The following ACTN4 variants were observed in gnomAD, a reference collection of about 807,000 sequenced individuals.
The protein encoded by ACTN4 is actinin alpha 4.
In ACTN4, 18 loss-of-function variants were observed where a neutral mutation model predicts 114.2. The ratio of observed to expected loss-of-function variants is 0.16; its 90% CI spans 0.11 to 0.23. ACTN4 has a LOEUF of 0.23. Among genes scored for constraint, ACTN4 ranks in the 10% least tolerant of loss-of-function variants. The pLI is 1.00. For missense variants in ACTN4, 722 were observed against 1,262.9 expected (o/e 0.57, Z 6.49); for synonymous variants, 515 against 506.3 (o/e 1.02, Z -0.23).
intron 1 of ACTN4, among the ~76,000 whole-genome samples, chr19:38,663,630 G>C (rs1976959086): frequency 6.6e-6 from 1 of 152,210 alleles, no homozygotes; most frequent in African/African-American, 2.4e-5. Context: ...AGTATTAGGG[G>C]GTCCGGCGTG....
intron 1 of ACTN4, among the ~76,000 whole-genome samples, chr19:38,656,620 A>G (rs372775542): frequency 2.0e-5 from 3 of 152,196 alleles, no homozygotes; most frequent in East Asian, 3.8e-4. Context: ...GGCAGTTACT[A>G]CCCTGCAGAA....
intron 3 of ACTN4, 113 bp from the exon 4 acceptor site, chr19:38,704,821 G>T (rs977984321): frequency 6.8e-5 from 59 of 871,020 alleles, no homozygotes; most frequent in Admixed American, 3.2e-4. Flanking sequence ...CAACCAGGGG[G>T]TGGTTTGGAG....
At position 38,729,655 on chromosome 19, in the gene ACTN4, T is replaced by G. The variant is rs1478817246; in HGVS notation, c.*223T>G. On this transcript the variant is annotated 3_prime_UTR_variant, in exon 21 of 21. Transcript: ENST00000252699. ...GTTGGGGAGACTTGGGGCCAGCGCT[T>G]CTGGTCTGGTAAATATGTATGATGT... 5.6e-6 allele frequency: 4 copies of G among 720,094 alleles called. No homozygotes were observed. Among genetic ancestry groups the G allele is most frequent in the Non-Finnish European group, 9.9e-6 (4 of 404,250 alleles). The allele number at this position is 720,094 out of a possible 1,614,324, so 44.6% of individuals were successfully genotyped here. A position where few individuals can be genotyped will look rare whatever the true frequency, so the allele number is the denominator to read the frequency against.
At chr19:38,679,569 G>A (rs1456807353) in intron 1 of ACTN4, among the ~76,000 whole-genome samples, 2 of 15,610 alleles carry the variant, frequency 1.3e-4, no homozygotes, top group Admixed American at 1.4e-3. Context: ...TTGGGTGTGC[G>A]TGTGTGTGTG....
rs1314453778 is a variant in ACTN4, at chr19:38,673,662, TA to T, written c.162+25756del. On this transcript the variant is annotated intron_variant, in intron 1 of 20. Transcript: ENST00000252699. ...TTATATATATTTATATATTTATATA[TA>T]TTATATATATTTATATATTTATATA... Among the ~76,000 whole-genome samples, 10 of 15,520 alleles carry T rather than the reference TA, an allele frequency of 6.4e-4. 2 individuals carry two copies. The highest frequency in any genetic ancestry group is 4.3e-4 in the African/African-American group (3 of 7,028). The allele number at this position is 15,520 out of a possible 152,430, so 10.2% of individuals were successfully genotyped here. A position where few individuals can be genotyped will look rare whatever the true frequency, so the allele number is the denominator to read the frequency against.
intron 1 of ACTN4, among the ~76,000 whole-genome samples, chr19:38,657,250 C>A (rs931003195): frequency 6.6e-6 from 1 of 152,080 alleles, no homozygotes; most frequent in Non-Finnish European, 1.5e-5. Flanking sequence ...TCAAGTGATT[C>A]TCCTGCCTCA....
At chr19:38,718,753 G>C (rs975923516) in intron 11 of ACTN4, among the ~76,000 whole-genome samples, 2 of 152,154 alleles carry the variant, frequency 1.3e-5, no homozygotes, top group Non-Finnish European at 2.9e-5. Flanking sequence ...CATCCAGGGC[G>C]AGTGTGTGGG....
chr19:38,679,511 C>CT (rs1308605391), intron 1 of ACTN4, among the ~76,000 whole-genome samples: 2 of 152,042 alleles, frequency 1.3e-5, no homozygotes, highest in African/African-American at 4.8e-5. Flanking sequence ...TCATCAGTGT[C>CT]TCCCAACACA....
At position 38,729,463 on chromosome 19, in the gene ACTN4, C is replaced by T. The variant is rs202116126; in HGVS notation, c.*31C>T. On this transcript the variant is annotated 3_prime_UTR_variant, in exon 21 of 21. Coordinates refer to ENST00000252699, the MANE Select transcript of ACTN4 (RefSeq NM_004924.6). ...CAGAGACCTGACCCAACACCCCCGA[C>T]GGCCTCCAGGAGGGGCCTGGGCAGC... 3.6e-3 allele frequency: 5,791 copies of T among 1,607,218 alleles called. 13 individuals are homozygous for T. Among genetic ancestry groups the T allele is most frequent in the Middle Eastern group, 8.6e-3 (52 of 6,040 alleles).
chr19:38,730,877 C>CA lies in ACTN4; in HGVS notation c.*1446dup. 3 of 1,551,746 alleles carry CA rather than the reference C, an allele frequency of 1.9e-6. No individual in the cohort carries two copies. Among genetic ancestry groups the CA allele is most frequent in the African/African-American group, 2.7e-5 (2 of 73,258 alleles). On this transcript the variant is annotated 3_prime_UTR_variant, in exon 21 of 21. Coordinates refer to ENST00000252699, the MANE Select transcript of ACTN4 (RefSeq NM_004924.6). ...CTAGGAGAAGGTGGCCACCTCCATC[C>CA]ACTAAGGAAGAGAAGGAAGACAGTG...
At chr19:38,654,503 A>T (rs1044601237) in intron 1 of ACTN4, among the ~76,000 whole-genome samples, 1 of 151,268 alleles carries the variant, frequency 6.6e-6, no homozygotes, top group South Asian at 2.1e-4. Flanking sequence ...TGGAGGTTGC[A>T]GTCAGCTGAG....
chr19:38,680,684 A>T (rs185492233), intron 1 of ACTN4, among the ~76,000 whole-genome samples: 1 of 152,212 alleles, frequency 6.6e-6, no homozygotes, highest in Non-Finnish European at 1.5e-5. Context: ...CGAGTCAGAA[A>T]CCTTGGAGTC....
intron 1 of ACTN4, among the ~76,000 whole-genome samples, chr19:38,692,409 C>G (rs1475206539): frequency 6.6e-6 from 1 of 152,242 alleles, no homozygotes; most frequent in Non-Finnish European, 1.5e-5. Context: ...GTTTTCTGTT[C>G]TTTCAACCTG....
intron 1 of ACTN4, among the ~76,000 whole-genome samples, chr19:38,653,397 C>T (rs114284515): frequency 0.014 from 2,139 of 150,846 alleles, 57 homozygotes; most frequent in African/African-American, 0.048. Flanking sequence ...TTTGACCAGA[C>T]CTTAGGGTTG....
Position 38,647,733 on chromosome 19 carries a change from G to A in ACTN4, c.-13G>A. On this transcript the variant is annotated 5_prime_UTR_variant, in exon 1 of 21. Coordinates refer to ENST00000252699, the MANE Select transcript of ACTN4 (RefSeq NM_004924.6). ...GGAGCGGACAGGCTGGTGGGCGAGCGAGAGGCGGCGGAATGGTGGACTACC... is the reference window on the plus strand; with the variant it reads ...GGAGCGGACAGGCTGGTGGGCGAGCAAGAGGCGGCGGAATGGTGGACTACC... 2 of 1,539,782 alleles carry A rather than the reference G, an allele frequency of 1.3e-6. No homozygotes were observed. Among genetic ancestry groups the A allele is most frequent in the Non-Finnish European group, 1.7e-6 (2 of 1,144,180 alleles).
intron 19 of ACTN4, 36 bp from the exon 20 acceptor site, chr19:38,728,960 A>T (rs776475651): frequency 1.2e-6 from 2 of 1,611,202 alleles, no homozygotes; most frequent in Non-Finnish European, 1.7e-6. Context: ...GCCCCACTAA[A>T]TGTCGGGTGT....
chr19:38,672,258 T>TA (rs1967152286), intron 1 of ACTN4, among the ~76,000 whole-genome samples: 1 of 149,856 alleles, frequency 6.7e-6, no homozygotes, highest in East Asian at 1.9e-4. Flanking sequence ...TTTTTTTTTT[T>TA]GAGACGGAGT....
chr19:38,717,522 C>T lies in ACTN4; in HGVS notation c.1143+206C>T, dbSNP rs747270458. Among the ~76,000 whole-genome samples, 3 of 152,142 alleles carry T rather than the reference C, an allele frequency of 2.0e-5. No individual in the cohort carries two copies. ...TGGCCCTCACTCACTGTATTTTACACCCAGGGTTTTATACGCATCCCAAAT... is the reference window on the plus strand; with the variant it reads ...TGGCCCTCACTCACTGTATTTTACATCCAGGGTTTTATACGCATCCCAAAT... On this transcript the variant is annotated intron_variant, in intron 10 of 20. Coordinates refer to ENST00000252699, the MANE Select transcript of ACTN4 (RefSeq NM_004924.6). The surrounding 1 kb of genome is among the most constrained non-coding windows in gnomAD (Gnocchi z 4.0).
In ACTN4 at chr19:38,729,467, C is replaced by A; in HGVS notation, c.*35C>A. On this transcript the variant is annotated 3_prime_UTR_variant, in exon 21 of 21. Coordinates refer to ENST00000252699, the MANE Select transcript of ACTN4 (RefSeq NM_004924.6). The stretch of plus-strand genomic sequence containing the variant: ...GACCTGACCCAACACCCCCGACGGC[C>A]TCCAGGAGGGGCCTGGGCAGCCCCA... 6.2e-7 allele frequency: 1 copy of A among 1,603,436 alleles called. No homozygotes were observed. Among genetic ancestry groups the A allele is most frequent in the East Asian group, 2.3e-5 (1 of 44,200 alleles).
Sources: allele counts gnomAD v4.1 joint callset (sites outside exome capture counted in the v4.1 genomes callset), GRCh38; gene constraint gnomAD v4.1.1; non-coding constraint Gnocchi (gnomAD v3.1); transcripts MANE v1.5; gene names NCBI Gene and HGNC (gene_info 2026-07-23, HGNC 2026-07-21).